RBMS3: variants seen among roughly 807,000 people sequenced by gnomAD.
The protein encoded by RBMS3 is RNA-binding motif, single-stranded-interacting protein 3.
Under a neutral mutation model 66.8 loss-of-function variants are expected in RBMS3, and 27 were observed. That is an observed-to-expected ratio of 0.40 (90% CI 0.30 to 0.56). The LOEUF is 0.56. RBMS3 is among the 20% of genes least tolerant of loss of function. RBMS3 has a pLI of 0.40. For synonymous variants in RBMS3, 188 were observed against 183.0 expected (o/e 1.03, Z -0.22); for missense variants, 513 against 549.5 (o/e 0.93, Z 0.66).
intron 1 of RBMS3, among the ~76,000 whole-genome samples, chr3:29,340,854 C>T (rs2036241758): frequency 6.6e-6 from 1 of 152,028 alleles, no homozygotes; most frequent in African/African-American, 2.4e-5. Flanking sequence ...ATCCCTCCTT[C>T]CTATTATATA....
At chr3:29,398,308 G>A (rs1380177997) in intron 1 of RBMS3, among the ~76,000 whole-genome samples, 6 of 152,084 alleles carry the variant, frequency 3.9e-5, no homozygotes, top group African/African-American at 7.2e-5. Flanking sequence ...CACCAAGACA[G>A]TCTTTACAGA....
chr3:29,716,909 G>GTATATA (rs1553648145), intron 4 of RBMS3, among the ~76,000 whole-genome samples: 1 of 151,200 alleles, frequency 6.6e-6, no homozygotes, highest in Admixed American at 6.6e-5. Flanking sequence ...AATCATTGTA[G>GTATATA]TACATGCATA....
At chr3:29,958,648 G>T (rs940039816) in intron 12 of RBMS3, among the ~76,000 whole-genome samples, 3 of 151,848 alleles carry the variant, frequency 2.0e-5, no homozygotes, top group African/African-American at 7.3e-5. Context: ...TCACACTACC[G>T]GCATTTGTGC....
In RBMS3 at chr3:29,979,435, A is replaced by G. The variant is rs1444633241; in HGVS notation, c.1099-8708A>G. The stretch of plus-strand genomic sequence containing the variant: ...AAATAAGTGTCATTTGAAGAAGTTT[A>G]GCTAAGATTCACCTAAAATGCTACT... On this transcript the variant is annotated intron_variant, in intron 12 of 14. Transcript: ENST00000383767. Among the ~76,000 whole-genome samples the G allele has an allele frequency of 2.0e-5, 3 of 152,178 alleles. No homozygotes were observed. In the South Asian group the frequency reaches 6.2e-4, roughly 31 times the overall value.
intron 3 of RBMS3, among the ~76,000 whole-genome samples, chr3:29,515,988 G>T (rs559609849): frequency 6.6e-6 from 1 of 152,302 alleles, no homozygotes; most frequent in Non-Finnish European, 1.5e-5. Context: ...CGTCAAAATT[G>T]ATATTGGAAT....
chr3:29,547,807 A>ATTTTTT (rs3043400), intron 3 of RBMS3, among the ~76,000 whole-genome samples: 1 of 93,296 alleles, frequency 1.1e-5, no homozygotes, highest in Non-Finnish European at 2.1e-5. Context: ...TTGTGGATTG[A>ATTTTTT]TTTTTTTTTT....
intron 2 of RBMS3, among the ~76,000 whole-genome samples, chr3:29,472,251 G>A (rs1375865186): frequency 6.7e-6 from 1 of 149,934 alleles, no homozygotes; most frequent in Admixed American, 6.6e-5. Context: ...CTGCTGGAGT[G>A]CAATGGCGTG....
At chr3:29,701,592 G>A (rs983545767) in intron 4 of RBMS3, among the ~76,000 whole-genome samples, 1 of 152,094 alleles carries the variant, frequency 6.6e-6, no homozygotes, top group Non-Finnish European at 1.5e-5. Flanking sequence ...GGCGCAGGTG[G>A]GAACTGGGGC....
intron 10 of RBMS3, among the ~76,000 whole-genome samples, chr3:29,922,272 G>A (rs2060803320): frequency 6.6e-6 from 1 of 151,826 alleles, no homozygotes; most frequent in African/African-American, 2.4e-5. Context: ...TGGATCATGA[G>A]GTCAGGAGAT....
intron 1 of RBMS3, among the ~76,000 whole-genome samples, chr3:29,361,268 G>T (rs982986492): frequency 2.0e-5 from 3 of 152,066 alleles, no homozygotes; most frequent in Non-Finnish European, 2.9e-5. Context: ...CTCAGCATTT[G>T]CTTGTCTGTA....
chr3:29,358,433 GT>G (rs1260395132), intron 1 of RBMS3, among the ~76,000 whole-genome samples: 1 of 152,178 alleles, frequency 6.6e-6, no homozygotes, highest in Non-Finnish European at 1.5e-5. Context: ...GTACCATGCT[GT>G]TTTGGTTACT....
At chr3:29,305,067 C>G (rs2033919429) in intron 1 of RBMS3, among the ~76,000 whole-genome samples, 1 of 151,834 alleles carries the variant, frequency 6.6e-6, no homozygotes, top group Non-Finnish European at 1.5e-5. Flanking sequence ...TTCTGTTGCT[C>G]CAATATGCCC....
At chr3:29,316,053 C>T (rs751052213) in intron 1 of RBMS3, among the ~76,000 whole-genome samples, 15 of 151,508 alleles carry the variant, frequency 9.9e-5, no homozygotes, top group Admixed American at 5.9e-4. Context: ...ATAGGTATTA[C>T]CGGGGTGATA....
intron 3 of RBMS3, among the ~76,000 whole-genome samples, chr3:29,501,556 T>C (rs1258019378): frequency 6.6e-6 from 1 of 152,182 alleles, no homozygotes. Flanking sequence ...AGACTTACGG[T>C]GCTTCTGTTA....
At chr3:29,309,643 TCA>T (rs2034250983) in intron 1 of RBMS3, among the ~76,000 whole-genome samples, 1 of 151,354 alleles carries the variant, frequency 6.6e-6, no homozygotes, top group African/African-American at 2.4e-5. Context: ...TGAGAATTTG[TCA>T]CAGAGATGGA....
intron 3 of RBMS3, among the ~76,000 whole-genome samples, chr3:29,491,154 G>T (rs2043527715): frequency 6.6e-6 from 1 of 152,104 alleles, no homozygotes; most frequent in Admixed American, 6.5e-5. Flanking sequence ...GGGCGGTCAG[G>T]GTCTCCATAA....
chr3:29,707,904 C>A lies in RBMS3; in HGVS notation c.400-31816C>A, dbSNP rs2052982207. Among the ~76,000 whole-genome samples the A allele has an allele frequency of 2.0e-5, 3 of 152,148 alleles. No individual in the cohort carries two copies. In the South Asian group the frequency reaches 6.2e-4, roughly 31 times the overall value. On this transcript the variant is annotated intron_variant, in intron 4 of 14. Transcript: ENST00000383767. ...TATATGTTGTGATGCTTTCAGTGGA[C>A]ACTTTTATTGTGGAGTGTTTTATTG... is the stretch of plus-strand genomic sequence containing the variant.
rs200400645 is a variant in RBMS3, at chr3:29,587,179, A to G, written c.373A>G (p.Asn125Asp). The G allele has an allele frequency of 2.1e-4, 329 of 1,581,006 alleles. 6 individuals are homozygous for G. The South Asian group carries it at 3.4e-3, about 17-fold the overall frequency. Residue 125 changes from asparagine to aspartate, a missense_variant, in exon 4 of 15, where the codon AAT becomes GAT. Coordinates refer to ENST00000383767, the MANE Select transcript of RBMS3 (RefSeq NM_001003793.3). ...AQKAVASLKA[N>D]GVQAQMAKQQ... ...GAAAGCGGTAGCATCTCTCAAGGCA[A>G]ATGGCGTGCAGGCACAGATGGCTAA...
intron 4 of RBMS3, among the ~76,000 whole-genome samples, chr3:29,715,105 G>T (rs1396640960): frequency 6.6e-6 from 1 of 152,044 alleles, no homozygotes; most frequent in Non-Finnish European, 1.5e-5. Flanking sequence ...TGAAATTATG[G>T]TTTGAAGATA....
Sources: allele counts gnomAD v4.1 joint callset (sites outside exome capture counted in the v4.1 genomes callset), GRCh38; gene constraint gnomAD v4.1.1; transcripts MANE v1.5; gene names NCBI Gene and HGNC (gene_info 2026-07-23, HGNC 2026-07-21).